Variants in RAB3B observed in about 807,000 individuals in gnomAD.
RAB3B encodes ras-related protein Rab-3B.
RAB3B carries 11 observed loss-of-function variants against 20.5 expected under a neutral mutation model. The ratio of observed to expected loss-of-function variants is 0.54; its 90% CI spans 0.34 to 0.89. RAB3B has a LOEUF of 0.89. RAB3B is among the 40% of genes least tolerant of loss of function. The probability of loss-of-function intolerance (pLI) is 0.02; values close to 1 mark genes in which losing one functional copy is unlikely to be tolerated. For missense variants in RAB3B, 225 were observed against 280.9 expected, an observed-to-expected ratio of 0.80 and a Z score of 1.42; for synonymous variants, 99 against 106.3, an observed-to-expected ratio of 0.93 and a Z score of 0.42.
intron 1 of RAB3B, among the ~76,000 whole-genome samples, chr1:51,977,982 T>G (rs1034290344): frequency 1.3e-5 from 2 of 152,180 alleles, no homozygotes; most frequent in African/African-American, 2.4e-5. Context: ...ATTACACACT[T>G]TATGCCAAAT....
chr1:51,946,919 A>G (rs1355386027), intron 2 of RAB3B, among the ~76,000 whole-genome samples: 2 of 152,200 alleles, frequency 1.3e-5, no homozygotes, highest in African/African-American at 4.8e-5. Context: ...ACTGAGATTC[A>G]AACCTGGTCT....
At chr1:51,941,668 T>C (rs1174617743) in intron 2 of RAB3B, among the ~76,000 whole-genome samples, 1 of 152,222 alleles carries the variant, frequency 6.6e-6, no homozygotes, top group Non-Finnish European at 1.5e-5. Flanking sequence ...TGCATAACCT[T>C]ACTCCATAAA....
chr1:51,922,579 A>T (rs896311349), intron 4 of RAB3B, among the ~76,000 whole-genome samples: 11 of 151,692 alleles, frequency 7.3e-5, no homozygotes, highest in Non-Finnish European at 2.9e-5. Context: ...TTCCTGGCCC[A>T]CCTTACTCCC....
In RAB3B at chr1:51,943,110, G is replaced by A. The variant is rs190362961; in HGVS notation, c.229-5698C>T. Among the ~76,000 whole-genome samples the A allele has an allele frequency of 5.5e-4, 84 of 152,226 alleles. No individual in the cohort carries two copies. The Middle Eastern group carries it at 0.014, about 25-fold the overall frequency. On this transcript the variant is annotated intron_variant, in intron 2 of 4. Coordinates refer to ENST00000371655, the MANE Select transcript of RAB3B (RefSeq NM_002867.4). ...TTAATAACCCTACAATGGGCCCAGC[G>A]TGGTGGCTCATGCCTGTAATCATAG...
intron 4 of RAB3B, among the ~76,000 whole-genome samples, chr1:51,925,163 C>G (rs971632339): frequency 6.6e-6 from 1 of 152,218 alleles, no homozygotes; most frequent in Non-Finnish European, 1.5e-5. Flanking sequence ...CAACACTGCT[C>G]CAGAACATGT....
At chr1:51,972,292 G>C (rs1220987400) in intron 2 of RAB3B, among the ~76,000 whole-genome samples, 1 of 152,186 alleles carries the variant, frequency 6.6e-6, no homozygotes, top group Non-Finnish European at 1.5e-5. Context: ...GTGAAACCAA[G>C]GATAAGAGGG....
chr1:51,939,949 A>G (rs984369611), intron 2 of RAB3B, among the ~76,000 whole-genome samples: 8 of 152,224 alleles, frequency 5.3e-5, no homozygotes, highest in Non-Finnish European at 1.2e-4. Context: ...TGATTTATTC[A>G]CAAGCATCTA....
rs962044050 is a variant in RAB3B at position 51,958,860 on chromosome 1, A to C, written c.228+18030T>G. On this transcript the variant is annotated intron_variant, in intron 2 of 4. Transcript: ENST00000371655. The stretch of plus-strand genomic sequence containing the variant: ...GCACAAAACTTGATCTGAGGCCAAG[A>C]GAGAGATCAGGCACTGCAAGTGCAG... Among the ~76,000 whole-genome samples the C allele has an allele frequency of 9.8e-5, 15 of 152,356 alleles. No homozygotes were observed. In the East Asian group the frequency reaches 2.5e-3, roughly 25 times the overall value.
intron 2 of RAB3B, among the ~76,000 whole-genome samples, chr1:51,939,741 A>T (rs1204770965): frequency 6.6e-6 from 1 of 151,938 alleles, no homozygotes; most frequent in Admixed American, 6.6e-5. Flanking sequence ...TGCCTGGCTA[A>T]TTTTTTTTAC....
chr1:51,989,082 T>C (rs964945598), intron 1 of RAB3B, among the ~76,000 whole-genome samples: 4 of 136,866 alleles, frequency 2.9e-5, no homozygotes, highest in African/African-American at 1.1e-4. Flanking sequence ...ACAGAACAGG[T>C]GGACACCCAC....
intron 2 of RAB3B, among the ~76,000 whole-genome samples, chr1:51,942,363 C>T (rs1322796408): frequency 6.6e-6 from 1 of 152,184 alleles, no homozygotes; most frequent in African/African-American, 2.4e-5. Flanking sequence ...CTGGTATATA[C>T]CCCATAAATG....
intron 4 of RAB3B, among the ~76,000 whole-genome samples, chr1:51,928,630 C>A (rs1002845260): frequency 6.6e-6 from 1 of 152,132 alleles, no homozygotes; most frequent in African/African-American, 2.4e-5. Context: ...TTCACTGTTC[C>A]CAGATCTGAT....
chr1:51,964,551 A>G (rs2124293835), intron 2 of RAB3B, among the ~76,000 whole-genome samples: 1 of 152,264 alleles, frequency 6.6e-6, no homozygotes, highest in Admixed American at 6.5e-5. Flanking sequence ...CTACTTGGTT[A>G]TCTAACGGGT....
intron 2 of RAB3B, among the ~76,000 whole-genome samples, chr1:51,943,567 C>A (rs562325454): frequency 2.0e-5 from 3 of 152,138 alleles, no homozygotes; most frequent in Non-Finnish European, 2.9e-5. Flanking sequence ...TTGTACCAAA[C>A]GTTAGCCAAA....
At chr1:51,975,318 G>A (rs774475994) in intron 2 of RAB3B, among the ~76,000 whole-genome samples, 1 of 152,116 alleles carries the variant, frequency 6.6e-6, no homozygotes, top group African/African-American at 2.4e-5. Flanking sequence ...AAAACTATAT[G>A]ATCTACATGT....
At chr1:51,937,559 G>A (rs541741499) in intron 2 of RAB3B, 147 bp from the exon 3 acceptor site, 20 of 478,054 alleles carry the variant, frequency 4.2e-5, no homozygotes, top group African/African-American at 6.0e-5. Context: ...GTGCCATGGC[G>A]CGATCTCAGC....
At chr1:51,965,791 A>G (rs1284517421) in intron 2 of RAB3B, among the ~76,000 whole-genome samples, 3 of 152,224 alleles carry the variant, frequency 2.0e-5, no homozygotes, top group Non-Finnish European at 4.4e-5. Context: ...ATTCAAATAA[A>G]GACGGTAGTT....
At chr1:51,938,521 ATATT>A (rs3074962) in intron 2 of RAB3B, among the ~76,000 whole-genome samples, 128,245 of 151,750 alleles carry the variant, frequency 0.85, 54,961 homozygotes, top group East Asian at 1. Context: ...GTATGTAAGA[ATATT>A]TAACGATATG....
rs374475385 is a variant in RAB3B at position 51,971,658 on chromosome 1, T to C, written c.228+5232A>G. ...TATGTTGGCCAGGCTAGTCTCGAAC[T>C]CCTGACCTCATGATCCTCCCACCTC... On this transcript the variant is annotated intron_variant, in intron 2 of 4. Coordinates refer to ENST00000371655, the MANE Select transcript of RAB3B (RefSeq NM_002867.4). 7.9e-5 allele frequency among the ~76,000 whole-genome samples: 12 copies of C among 152,110 alleles called. No individual in the cohort carries two copies. The East Asian group carries it at 2.1e-3, about 27-fold the overall frequency.
Sources: gnomAD v4.1 joint callset for allele counts (sites outside exome capture counted in the v4.1 genomes callset) on GRCh38, gnomAD v4.1.1 for gene constraint, MANE v1.5 for transcripts, NCBI Gene and HGNC (gene_info 2026-07-23, HGNC 2026-07-21) for gene names.